The following FOXP1 variants were observed in gnomAD, a reference collection of about 807,000 sequenced individuals.
The protein encoded by FOXP1 is forkhead box P1.
A neutral mutation model predicts 98.2 loss-of-function variants in FOXP1; 15 were observed. That is an observed-to-expected ratio of 0.15 (90% CI 0.10 to 0.24). The LOEUF (loss-of-function observed/expected upper bound fraction) is 0.24. Ranked by LOEUF, FOXP1 falls within the 10% of genes least tolerant of loss-of-function variation. The probability of loss-of-function intolerance (pLI) is 1.00; values close to 1 mark genes in which losing one functional copy is unlikely to be tolerated. For synonymous variants in FOXP1, 371 were observed against 314.5 expected (o/e 1.18, Z -1.90); for missense variants, 633 against 848.5 (o/e 0.75, Z 3.15).
At chr3:71,124,643 C>CAA (rs551926974) in intron 6 of FOXP1, among the ~76,000 whole-genome samples, 39 of 121,506 alleles carry the variant, frequency 3.2e-4, no homozygotes, top group East Asian at 9.0e-4. Context: ...AACTGTGTGT[C>CAA]AAAAAAAAAA....
At chr3:71,252,657 C>G (rs2068293430) in intron 5 of FOXP1, among the ~76,000 whole-genome samples, 1 of 152,188 alleles carries the variant, frequency 6.6e-6, no homozygotes, top group Non-Finnish European at 1.5e-5. Context: ...TTCTGACACC[C>G]TTACTTGACA....
intron 2 of FOXP1, among the ~76,000 whole-genome samples, chr3:71,553,535 T>C (rs1172204512): frequency 1.3e-5 from 2 of 149,434 alleles, no homozygotes; most frequent in Non-Finnish European, 3.0e-5. Context: ...TCTTCACTGG[T>C]TTTTTCAGGG....
rs547942469 is a variant in FOXP1 at position 71,264,960 on chromosome 3, T to C, written c.-12+34860A>G. On this transcript the variant is annotated intron_variant, in intron 5 of 20. Transcript: ENST00000649528. ...CAGAGGTCAGGCAGCTTGCACAAGA[T>C]CACATAGCGAGAAAGGTGCTGAGCT... is the stretch of plus-strand genomic sequence containing the variant. Among the ~76,000 whole-genome samples the C allele has an allele frequency of 9.2e-5, 14 of 152,270 alleles. No individual in the cohort carries two copies. The East Asian group carries it at 2.1e-3, about 23-fold the overall frequency.
At chr3:71,579,614 TTC>T (rs940951622) in intron 2 of FOXP1, among the ~76,000 whole-genome samples, 2 of 143,730 alleles carry the variant, frequency 1.4e-5, no homozygotes, top group Non-Finnish European at 3.0e-5. Context: ...GATTTTTTTT[TTC>T]TTTTTTTTCT....
intron 3 of FOXP1, among the ~76,000 whole-genome samples, chr3:71,492,389 T>A (rs1336561755): frequency 2.6e-5 from 4 of 151,322 alleles, no homozygotes; most frequent in Non-Finnish European, 5.9e-5. Flanking sequence ...GAGGCGGAGG[T>A]TGCAGTGAGC....
chr3:71,568,205 G>C (rs935644763), intron 2 of FOXP1, among the ~76,000 whole-genome samples: 2 of 152,196 alleles, frequency 1.3e-5, no homozygotes, highest in South Asian at 4.1e-4. Flanking sequence ...CCTGGAAATG[G>C]CTAAGATGTT....
In FOXP1 at chr3:71,022,946, T is replaced by A. The variant is rs576032619; in HGVS notation, c.870-7293A>T. Among the ~76,000 whole-genome samples the A allele has an allele frequency of 3.3e-5, 5 of 152,316 alleles. No individual in the cohort carries two copies. In the East Asian group the frequency reaches 7.7e-4, roughly 23 times the overall value. ...TCAGGAAGGAGTATCGGTGTCTTCA[T>A]CATGGCTGTGGAGCAGGGGGCTGGT... On this transcript the variant is annotated intron_variant, in intron 11 of 20. Transcript: ENST00000649528.
intron 2 of FOXP1, among the ~76,000 whole-genome samples, chr3:71,515,858 C>T (rs2042543744): frequency 6.6e-6 from 1 of 152,140 alleles, no homozygotes; most frequent in African/African-American, 2.4e-5. Flanking sequence ...AAAACGTCAT[C>T]TTTTTAAGGA....
intron 3 of FOXP1, among the ~76,000 whole-genome samples, chr3:71,390,717 T>C (rs1300487009): frequency 1.3e-5 from 2 of 152,224 alleles, no homozygotes; most frequent in African/African-American, 2.4e-5. Flanking sequence ...CTTGCAGACA[T>C]GGCAACTTCT....
intron 2 of FOXP1, among the ~76,000 whole-genome samples, chr3:71,577,504 G>A (rs918737166): frequency 7.9e-5 from 12 of 151,832 alleles, no homozygotes; most frequent in South Asian, 2.1e-4. Context: ...AGGTTTGCCC[G>A]TTTCAGGAAC....
chr3:71,143,285 GAGA>G (rs1472874631), intron 6 of FOXP1, among the ~76,000 whole-genome samples: 5 of 152,210 alleles, frequency 3.3e-5, no homozygotes, highest in Non-Finnish European at 7.3e-5. Flanking sequence ...GGCTAGAAAA[GAGA>G]AGAAGCATTT....
chr3:71,061,365 T>G (rs980044503), intron 7 of FOXP1, among the ~76,000 whole-genome samples: 3 of 152,194 alleles, frequency 2.0e-5, no homozygotes, highest in Admixed American at 6.5e-5. Flanking sequence ...CATGAAATGT[T>G]ACGTGCAAAG....
intron 3 of FOXP1, among the ~76,000 whole-genome samples, chr3:71,435,056 CAT>C (rs1222572520): frequency 6.6e-6 from 1 of 150,880 alleles, no homozygotes; most frequent in Non-Finnish European, 1.5e-5. Flanking sequence ...ATAATTAACA[CAT>C]GAGTTTTCAG....
At chr3:70,996,121 G>T (rs2041323695) in intron 13 of FOXP1, among the ~76,000 whole-genome samples, 1 of 152,040 alleles carries the variant, frequency 6.6e-6, no homozygotes, top group Non-Finnish European at 1.5e-5. Context: ...TGTGTAGCTG[G>T]GATTACAGGC....
At chr3:71,000,589 A>G (rs1458746692) in intron 13 of FOXP1, among the ~76,000 whole-genome samples, 1 of 151,846 alleles carries the variant, frequency 6.6e-6, no homozygotes, top group Non-Finnish European at 1.5e-5. Flanking sequence ...GTTTAATCAT[A>G]TGAGCAACGT....
intron 12 of FOXP1, among the ~76,000 whole-genome samples, chr3:71,015,168 C>T (rs960478377): frequency 1.3e-5 from 2 of 150,392 alleles, no homozygotes; most frequent in African/African-American, 5.0e-5. Flanking sequence ...ACACCTCCAA[C>T]AACAACAACA....
At chr3:71,342,043 C>CGTAA (rs1553851032) in intron 4 of FOXP1, among the ~76,000 whole-genome samples, 21 of 151,754 alleles carry the variant, frequency 1.4e-4, no homozygotes, top group Non-Finnish European at 2.2e-4. Context: ...TTTTCTGCTA[C>CGTAA]ATAACTAGTC....
At chr3:70,988,784 T>C (rs953256896) in intron 13 of FOXP1, among the ~76,000 whole-genome samples, 1 of 152,250 alleles carries the variant, frequency 6.6e-6, no homozygotes, top group African/African-American at 2.4e-5. Context: ...ACATCCTTTA[T>C]GCTTCGCTTG....
Position 71,100,461 on chromosome 3 carries a change from T to C in FOXP1, c.282+12075A>G, listed in dbSNP as rs530489919. On this transcript the variant is annotated intron_variant, in intron 7 of 20. Transcript: ENST00000649528. The stretch of plus-strand genomic sequence containing the variant: ...AAGGGAGTGTCTCGCCTTAAGGTCT[T>C]ATAGTCAGAGGAGATCAGAAGAAAC... Among the ~76,000 whole-genome samples, 8 of 152,286 alleles carry C rather than the reference T, an allele frequency of 5.3e-5. No individual in the cohort carries two copies. The East Asian group carries it at 1.5e-3, about 29-fold the overall frequency.
Sources: allele counts gnomAD v4.1 joint callset (sites outside exome capture counted in the v4.1 genomes callset), GRCh38; gene constraint gnomAD v4.1.1; transcripts MANE v1.5; gene names NCBI Gene and HGNC (gene_info 2026-07-23, HGNC 2026-07-21).